The following LRRC75A variants were observed in gnomAD, a reference collection of about 807,000 sequenced individuals.
The protein encoded by LRRC75A is leucine-rich repeat-containing protein 75A.
LRRC75A carries 12 observed loss-of-function variants against 26.0 expected under a neutral mutation model. The observed-to-expected ratio is 0.46, with a 90% confidence interval of 0.30 to 0.75. The LOEUF is 0.75. Among genes scored for constraint, LRRC75A ranks in the 30% least tolerant of loss-of-function variants. LRRC75A has a pLI of 0.08. For missense variants in LRRC75A, 410 were observed against 486.6 expected (o/e 0.84, Z 1.48); for synonymous variants, 223 against 219.3 (o/e 1.02, Z -0.15).
intron 1 of LRRC75A, among the ~76,000 whole-genome samples, chr17:16,486,202 C>T (rs1384377997): frequency 2.0e-5 from 3 of 152,188 alleles, no homozygotes; most frequent in Admixed American, 6.5e-5. Context: ...GGTGCACCCA[C>T]CCTGACGGTC....
At chr17:16,457,374 T>C (rs891446055) in intron 2 of LRRC75A, among the ~76,000 whole-genome samples, 2 of 152,236 alleles carry the variant, frequency 1.3e-5, no homozygotes, top group African/African-American at 4.8e-5. Flanking sequence ...GGCTGGGCTC[T>C]AGAGACTGCA....
chr17:16,448,936 G>A lies in LRRC75A; in HGVS notation c.376-976C>T, dbSNP rs150866801. Among the ~76,000 whole-genome samples the A allele has an allele frequency of 8.7e-4, 132 of 152,360 alleles. No individual in the cohort carries two copies. The South Asian group carries it at 0.011, about 12-fold the overall frequency. On this transcript the variant is annotated intron_variant, in intron 2 of 3. Coordinates refer to ENST00000470794, the MANE Select transcript of LRRC75A (RefSeq NM_001113567.3). ...GGCAGACACTGGGTTAAATGGTGCA[G>A]CTGAAAGATGCTACAGACTCCAACT...
At position 16,442,892 on chromosome 17, in the gene LRRC75A, T is replaced by G. The variant is rs189148139; in HGVS notation, c.*696A>C. ...GATAGGGGATTTCTGAACAGGACTT[T>G]ATGCCTGTATGCATGGGCACCATGT... On this transcript the variant is annotated 3_prime_UTR_variant, in exon 4 of 4. Coordinates refer to ENST00000470794, the MANE Select transcript of LRRC75A (RefSeq NM_001113567.3). 1 of 152,374 alleles carries G rather than the reference T, an allele frequency of 6.6e-6. No homozygotes were observed. Among genetic ancestry groups the G allele is most frequent in the East Asian group, 1.9e-4 (1 of 5,190 alleles). The allele number at this position is 152,374 out of a possible 1,614,324, so 9.4% of individuals were successfully genotyped here. A position where few individuals can be genotyped will look rare whatever the true frequency, so the allele number is the denominator to read the frequency against.
chr17:16,462,518 G>A lies in LRRC75A; in HGVS notation c.247-132C>T. The A allele has an allele frequency of 8.1e-7, 1 of 1,229,280 alleles. No individual in the cohort carries two copies. The highest frequency in any genetic ancestry group is 2.4e-5 in the Admixed American group (1 of 42,386). The allele number at this position is 1,229,280 out of a possible 1,614,324, so 76.1% of individuals were successfully genotyped here. On this transcript the variant is annotated intron_variant, in intron 1 of 3. Coordinates refer to ENST00000470794, the MANE Select transcript of LRRC75A (RefSeq NM_001113567.3). The surrounding 1 kb of genome is among the most constrained non-coding windows in gnomAD (Gnocchi z 4.6). Reference sequence around the variant, plus strand: ...AGAGCCCCGGTGGGGAGCATCTGCAGAACTTCCCTCAGGGGCTGGGGCAGG... The same window carrying A: ...AGAGCCCCGGTGGGGAGCATCTGCAAAACTTCCCTCAGGGGCTGGGGCAGG...
Position 16,491,697 on chromosome 17 carries a change from C to T in LRRC75A, c.246+48G>A. On this transcript the variant is annotated intron_variant, in intron 1 of 3. Coordinates refer to ENST00000470794, the MANE Select transcript of LRRC75A (RefSeq NM_001113567.3). This position sits in a 1 kb window ranked among gnomAD's most constrained non-coding sequence, Gnocchi z 5.9. ...GGATGGGGCGCCCCCCCCGGCCCAG[C>T]ACGCCCCCTGGCCCGGCGCGCCCCC... The T allele has an allele frequency of 1.6e-6, 2 of 1,247,160 alleles. No homozygotes were observed. The highest frequency in any genetic ancestry group is 2.0e-6 in the Non-Finnish European group (2 of 987,332). 77.3% of individuals were successfully genotyped at this position (1,247,160 alleles called of 1,614,324 possible).
chr17:16,461,401 A>C (rs1371546506), intron 2 of LRRC75A, among the ~76,000 whole-genome samples: 3 of 152,248 alleles, frequency 2.0e-5, no homozygotes, highest in African/African-American at 7.2e-5. Context: ...GACAGAAAAA[A>C]ACCAAAGCAA....
intron 2 of LRRC75A, chr17:16,448,306 T>C (rs2093603481): frequency 3.0e-6 from 1 of 338,350 alleles, no homozygotes; most frequent in African/African-American, 2.1e-5. Flanking sequence ...AGGGCCGCTC[T>C]GTGCATTCTC....
intron 1 of LRRC75A, among the ~76,000 whole-genome samples, chr17:16,490,759 C>T (rs2093855587): frequency 1.3e-5 from 2 of 152,168 alleles, no homozygotes; most frequent in Admixed American, 1.3e-4. Context: ...CTGCCATCCA[C>T]GGTAGACTCC....
In LRRC75A at chr17:16,491,428, T is replaced by C. The variant is rs1298717471; in HGVS notation, c.246+317A>G. Among the ~76,000 whole-genome samples, 1 of 152,200 alleles carries C rather than the reference T, an allele frequency of 6.6e-6. No homozygotes were observed. Among genetic ancestry groups the C allele is most frequent in the Non-Finnish European group, 1.5e-5 (1 of 68,032 alleles). On this transcript the variant is annotated intron_variant, in intron 1 of 3. Transcript: ENST00000470794. The surrounding 1 kb of genome is among the most constrained non-coding windows in gnomAD (Gnocchi z 5.9). ...CTGGCCCAGATCAGGCAGGCATCCCTGCTTCCCCGCCCACCGACTGTCCCC... is the reference window on the plus strand; with the variant it reads ...CTGGCCCAGATCAGGCAGGCATCCCCGCTTCCCCGCCCACCGACTGTCCCC...
In LRRC75A at chr17:16,462,633, C is replaced by T. The variant is rs1005331343; in HGVS notation, c.247-247G>A. On this transcript the variant is annotated intron_variant, in intron 1 of 3. Transcript: ENST00000470794. The surrounding 1 kb of genome is among the most constrained non-coding windows in gnomAD (Gnocchi z 4.6). Reference sequence around the variant, plus strand: ...AGTTTGTGCAGGTCCTGGCTTGTGGCCCTCTCCTAGGACAGCCCCTGACCT... The same window carrying T: ...AGTTTGTGCAGGTCCTGGCTTGTGGTCCTCTCCTAGGACAGCCCCTGACCT... Among the ~76,000 whole-genome samples the T allele has an allele frequency of 6.6e-6, 1 of 152,208 alleles. No individual in the cohort carries two copies. The highest frequency in any genetic ancestry group is 1.5e-5 in the Non-Finnish European group (1 of 68,036).
chr17:16,447,702 T>C (rs2093597552), intron 3 of LRRC75A, 143 bp downstream of exon 3: 2 of 612,484 alleles, frequency 3.3e-6, no homozygotes, highest in Non-Finnish European at 5.6e-6. Flanking sequence ...CACTCTGGAA[T>C]CCTCCTTCCA....
chr17:16,472,691 C>G (rs1358542660), intron 1 of LRRC75A, among the ~76,000 whole-genome samples: 1 of 152,170 alleles, frequency 6.6e-6, no homozygotes, highest in African/African-American at 2.4e-5. Context: ...AACAGATTGG[C>G]CTTCCAATCC....
rs144421414 is a variant in LRRC75A, at chr17:16,486,403, T to C, written c.246+5342A>G. Among the ~76,000 whole-genome samples, 1,242 of 152,150 alleles carry C rather than the reference T, an allele frequency of 8.2e-3. 25 individuals carry two copies. Among genetic ancestry groups the C allele is most frequent in the African/African-American group, 0.029 (1,184 of 41,426 alleles). ...GGTCGTGCTTAGCCACTACAGAGGC[T>C]GCTATTTCCCCAGCCAGTGTCCCTG... On this transcript the variant is annotated intron_variant, in intron 1 of 3. Transcript: ENST00000470794.
chr17:16,458,426 G>T (rs578226403), intron 2 of LRRC75A, among the ~76,000 whole-genome samples: 19 of 152,302 alleles, frequency 1.2e-4, no homozygotes, highest in Middle Eastern at 3.4e-3. Flanking sequence ...CCCATGGAGA[G>T]GCTACAGGGC....
chr17:16,486,192 G>C (rs139598778), intron 1 of LRRC75A, among the ~76,000 whole-genome samples: 2,224 of 152,174 alleles, frequency 0.015, 61 homozygotes, highest in African/African-American at 0.051. Context: ...GGGAGGGGAG[G>C]GTGCACCCAC....
chr17:16,482,256 G>C (rs2093836094), intron 1 of LRRC75A, among the ~76,000 whole-genome samples: 1 of 152,206 alleles, frequency 6.6e-6, no homozygotes, highest in Non-Finnish European at 1.5e-5. Context: ...GCTCCCTGTG[G>C]TGCTGGGTGT....
chr17:16,452,415 G>A (rs1211156825), intron 2 of LRRC75A, among the ~76,000 whole-genome samples: 1 of 149,902 alleles, frequency 6.7e-6, no homozygotes, highest in Non-Finnish European at 1.5e-5. Context: ...TGATGGGTGG[G>A]TGGCTCAGGC....
chr17:16,489,616 G>A (rs1003563043), intron 1 of LRRC75A, among the ~76,000 whole-genome samples: 3 of 152,210 alleles, frequency 2.0e-5, no homozygotes, highest in African/African-American at 7.2e-5. Flanking sequence ...TGGCCTCAGG[G>A]TCCTAGAAAG....
At position 16,442,032 on chromosome 17, in the gene LRRC75A, G is replaced by GT. The variant is rs1220075139; in HGVS notation, c.*1555dup. ...CTTGGGTGTCAATTCTTGAAAATGTGTATTTGAAGAAAAAGTAAATTTCGC... is the reference window on the plus strand; with the variant it reads ...CTTGGGTGTCAATTCTTGAAAATGTGTTATTTGAAGAAAAAGTAAATTTCGC... On this transcript the variant is annotated 3_prime_UTR_variant, in exon 4 of 4. Transcript: ENST00000470794. 2 of 152,346 alleles carry GT rather than the reference G, an allele frequency of 1.3e-5. No homozygotes were observed. Among genetic ancestry groups the GT allele is most frequent in the African/African-American group, 4.8e-5 (2 of 41,434 alleles). The allele number at this position is 152,346 out of a possible 1,614,324, so 9.4% of individuals were successfully genotyped here. A position where few individuals can be genotyped will look rare whatever the true frequency, so the allele number is the denominator to read the frequency against.
Sources: gnomAD v4.1 joint callset for allele counts (sites outside exome capture counted in the v4.1 genomes callset) on GRCh38, gnomAD v4.1.1 for gene constraint, Gnocchi (gnomAD v3.1) non-coding constraint, MANE v1.5 for transcripts, NCBI Gene and HGNC (gene_info 2026-07-23, HGNC 2026-07-21) for gene names.